RTTN: variants seen among roughly 807,000 people sequenced by gnomAD.
The protein encoded by RTTN is rotatin.
Under a neutral mutation model 269.2 loss-of-function variants are expected in RTTN, and 182 were observed. The ratio of observed to expected loss-of-function variants is 0.68; its 90% CI spans 0.60 to 0.76. The LOEUF is 0.76. Ranked by LOEUF, RTTN falls within the 30% of genes least tolerant of loss-of-function variation. The probability of loss-of-function intolerance (pLI) is 0.00; values close to 1 mark genes in which losing one functional copy is unlikely to be tolerated. For missense variants in RTTN, 2,545 were observed against 2,608.6 expected, an observed-to-expected ratio of 0.98 and a Z score of 0.53; for synonymous variants, 1,006 against 963.5, an observed-to-expected ratio of 1.04 and a Z score of -0.82.
At chr18:70,085,339 T>C (rs1183229133) in intron 32 of RTTN, among the ~76,000 whole-genome samples, 1 of 152,152 alleles carries the variant, frequency 6.6e-6, no homozygotes, top group African/African-American at 2.4e-5. Flanking sequence ...CTGGTAGGGT[T>C]ACCCTGGGTT....
At chr18:70,093,772 T>G (rs770891448) in intron 28 of RTTN, among the ~76,000 whole-genome samples, 7 of 152,218 alleles carry the variant, frequency 4.6e-5, no homozygotes, top group Non-Finnish European at 8.8e-5. Context: ...CTTTTTTTGT[T>G]GTGTCTCTGC....
intron 18 of RTTN, among the ~76,000 whole-genome samples, chr18:70,143,122 T>C (rs2060301069): frequency 6.6e-6 from 1 of 152,214 alleles, no homozygotes; most frequent in African/African-American, 2.4e-5. Flanking sequence ...GATATTGAGC[T>C]CTTTTCCATA....
At chr18:70,064,636 TC>T (rs1367829794) in intron 35 of RTTN, among the ~76,000 whole-genome samples, 1 of 151,908 alleles carries the variant, frequency 6.6e-6, no homozygotes, top group African/African-American at 2.4e-5. Flanking sequence ...AACGGGCAAA[TC>T]TATAAAGAAG....
chr18:70,142,430 GCTT>G, intron 18 of RTTN, 43 bp from the exon 19 acceptor site: 1 of 1,072,836 alleles, frequency 9.3e-7, no homozygotes, highest in South Asian at 1.3e-5. Flanking sequence ...ACATTTATCT[GCTT>G]CCAATTCTCC....
Position 70,134,561 on chromosome 18 carries a change from C to G in RTTN, c.2886-20G>C. ...ACAGACCTATTTCATAAAAGAAAAA[C>G]AAAAACAAAGAAACAACTGAGTAGA... On this transcript the variant is annotated intron_variant, in intron 22 of 48. Coordinates refer to ENST00000640769, the MANE Select transcript of RTTN (RefSeq NM_173630.4). The G allele has an allele frequency of 6.3e-7, 1 of 1,579,184 alleles. No homozygotes were observed. The highest frequency in any genetic ancestry group is 8.6e-7 in the Non-Finnish European group (1 of 1,160,094).
intron 8 of RTTN, among the ~76,000 whole-genome samples, chr18:70,190,977 C>G (rs998516054): frequency 6.6e-6 from 1 of 152,100 alleles, no homozygotes; most frequent in Non-Finnish European, 1.5e-5. Flanking sequence ...CACCTGAGGT[C>G]AGGAGTTCAA....
At chr18:70,202,081 A>T (rs1377565860) in intron 3 of RTTN, 98 bp from the exon 4 acceptor site, 11 of 632,534 alleles carry the variant, frequency 1.7e-5, no homozygotes, top group African/African-American at 3.8e-5. Context: ...TAAGTATTGG[A>T]ATCATTTTAA....
At chr18:70,094,905 T>TA (rs1313227885) in intron 28 of RTTN, among the ~76,000 whole-genome samples, 1 of 152,070 alleles carries the variant, frequency 6.6e-6, no homozygotes, top group Admixed American at 6.6e-5. Flanking sequence ...AGTGAGGTGT[T>TA]AAAGTCTCCC....
chr18:70,086,508 T>C (rs1156948476), intron 32 of RTTN, 105 bp downstream of exon 32: 6 of 937,220 alleles, frequency 6.4e-6, no homozygotes, highest in East Asian at 4.8e-5. Context: ...CCTTGCTGTC[T>C]TGTATATAGT....
At position 70,139,593 on chromosome 18, in the gene RTTN, A is replaced by C. The variant is rs2060205969; in HGVS notation, c.2788+6T>G. Reference sequence around the variant, plus strand: ...TCTAATTATTAGCAGATTTTCTTTTATTTACCTCTGAATAACACGGTCAAA... The same window carrying C: ...TCTAATTATTAGCAGATTTTCTTTTCTTTACCTCTGAATAACACGGTCAAA... On this transcript the variant is annotated splice_donor_region_variant and intron_variant, in intron 21 of 48. Transcript: ENST00000640769. The C allele has an allele frequency of 6.5e-7, 1 of 1,549,044 alleles. No homozygotes were observed. The highest frequency in any genetic ancestry group is 8.9e-7 in the Non-Finnish European group (1 of 1,127,904).
intron 10 of RTTN, among the ~76,000 whole-genome samples, chr18:70,184,714 T>TTTTTTTTTTTGTG (rs2061499369): frequency 1.9e-5 from 1 of 53,476 alleles, no homozygotes; most frequent in Admixed American, 2.2e-4. Context: ...TTTTTTTTTT[T>TTTTTTTTTTTGTG]TTTGTGTGTG....
chr18:70,111,092 G>A (rs1207849624), intron 27 of RTTN, among the ~76,000 whole-genome samples: 1 of 152,180 alleles, frequency 6.6e-6, no homozygotes, highest in Non-Finnish European at 1.5e-5. Context: ...CCATCTCCCT[G>A]GGACAGAGCA....
chr18:70,143,378 A>G (rs543227339), intron 18 of RTTN, among the ~76,000 whole-genome samples: 49 of 152,334 alleles, frequency 3.2e-4, no homozygotes, highest in African/African-American at 1.2e-3. Flanking sequence ...GGATAAAGAA[A>G]ATGTGGTACA....
intron 11 of RTTN, among the ~76,000 whole-genome samples, chr18:70,172,734 A>G (rs552204559): frequency 6.6e-5 from 10 of 152,260 alleles, no homozygotes; most frequent in Middle Eastern, 3.4e-3. Flanking sequence ...TTATTCTGGC[A>G]CTAAGTAAAA....
intron 46 of RTTN, among the ~76,000 whole-genome samples, chr18:70,010,229 A>C (rs988893792): frequency 2.6e-5 from 4 of 152,230 alleles, no homozygotes; most frequent in Non-Finnish European, 2.9e-5. Flanking sequence ...ACTCTGAGCC[A>C]AGTGGACCTA....
chr18:70,084,115 A>G (rs986770), intron 32 of RTTN, among the ~76,000 whole-genome samples: 125,456 of 151,966 alleles, frequency 0.83, 55,165 homozygotes, highest in East Asian at 1. Flanking sequence ...GAAAAGGAGT[A>G]GTAATTATAA....
intron 40 of RTTN, among the ~76,000 whole-genome samples, chr18:70,042,298 G>GA (rs1267525576): frequency 7.8e-6 from 1 of 128,834 alleles, no homozygotes; most frequent in Admixed American, 8.0e-5. Flanking sequence ...TAGAATACGA[G>GA]AAAAAATAAA....
chr18:70,186,073 TCCC>T (rs376667723), intron 10 of RTTN, among the ~76,000 whole-genome samples: 1,766 of 109,396 alleles, frequency 0.016, 21 homozygotes, highest in South Asian at 0.046. Context: ...GAATGCCCTC[TCCC>T]CCCCAAAAAA....
intron 23 of RTTN, among the ~76,000 whole-genome samples, chr18:70,133,326 T>C (rs928757630): frequency 3.9e-5 from 6 of 152,146 alleles, no homozygotes; most frequent in Admixed American, 3.3e-4. Flanking sequence ...ACTTTTCCAC[T>C]GATGGTAGGA....
Sources: allele counts gnomAD v4.1 joint callset (sites outside exome capture counted in the v4.1 genomes callset), GRCh38; gene constraint gnomAD v4.1.1; transcripts MANE v1.5; gene names NCBI Gene and HGNC (gene_info 2026-07-23, HGNC 2026-07-21).